DLGAP1: variants seen among roughly 807,000 people sequenced by gnomAD.
The protein encoded by DLGAP1 is DLG associated protein 1.
DLGAP1 carries 11 observed loss-of-function variants against 90.8 expected under a neutral mutation model. That is an observed-to-expected ratio of 0.12 (90% CI 0.08 to 0.20). The LOEUF (loss-of-function observed/expected upper bound fraction) is 0.20. Among genes scored for constraint, DLGAP1 ranks in the 10% least tolerant of loss-of-function variants. The pLI is 1.00. For missense variants in DLGAP1, 1,050 were observed against 1,333.8 expected (o/e 0.79, Z 3.31); for synonymous variants, 558 against 540.7 (o/e 1.03, Z -0.44).
intron 1 of DLGAP1, among the ~76,000 whole-genome samples, chr18:4,441,683 C>A (rs912417004): frequency 6.6e-6 from 1 of 152,182 alleles, no homozygotes; most frequent in Non-Finnish European, 1.5e-5. Flanking sequence ...AGAGAAGTGA[C>A]ACTTCAAGAA....
chr18:4,263,393 C>T (rs1490631000), intron 1 of DLGAP1, among the ~76,000 whole-genome samples: 11 of 152,136 alleles, frequency 7.2e-5, no homozygotes. Context: ...TTAAAAAATT[C>T]TTCCATTCAT....
At chr18:4,061,125 G>C (rs551452837) in intron 2 of DLGAP1, among the ~76,000 whole-genome samples, 159 of 152,208 alleles carry the variant, frequency 1.0e-3, no homozygotes, top group African/African-American at 3.8e-3. Context: ...AATTAGAATT[G>C]CCTACTTACC....
chr18:3,557,076 T>C (rs1351312804), intron 9 of DLGAP1, among the ~76,000 whole-genome samples: 1 of 152,230 alleles, frequency 6.6e-6, no homozygotes, highest in Non-Finnish European at 1.5e-5. Flanking sequence ...TTATTGTGTT[T>C]ATTTTGGATT....
intron 2 of DLGAP1, among the ~76,000 whole-genome samples, chr18:4,109,473 T>C (rs1250861895): frequency 6.6e-6 from 1 of 152,198 alleles, no homozygotes; most frequent in Non-Finnish European, 1.5e-5. Flanking sequence ...ATTCCATGGT[T>C]ACTGTAGTGT....
At chr18:4,086,319 TAAC>T (rs2075680254) in intron 2 of DLGAP1, among the ~76,000 whole-genome samples, 2 of 152,148 alleles carry the variant, frequency 1.3e-5, no homozygotes, top group South Asian at 4.1e-4. Flanking sequence ...AAAGACCTAA[TAAC>T]AAAGTATGAA....
intron 4 of DLGAP1, among the ~76,000 whole-genome samples, chr18:3,824,817 C>T (rs965203359): frequency 6.6e-6 from 1 of 152,210 alleles, no homozygotes; most frequent in Non-Finnish European, 1.5e-5. Context: ...AAGCATACGG[C>T]ATTCAAACGG....
At chr18:4,436,626 A>G (rs1428602439) in intron 1 of DLGAP1, among the ~76,000 whole-genome samples, 4 of 150,738 alleles carry the variant, frequency 2.7e-5, no homozygotes, top group Non-Finnish European at 5.9e-5. Context: ...CCTGAGATCT[A>G]CACTTTTTTA....
chr18:3,910,136 T>A (rs1279172031), intron 3 of DLGAP1, among the ~76,000 whole-genome samples: 3 of 150,484 alleles, frequency 2.0e-5, no homozygotes, highest in Non-Finnish European at 4.4e-5. Context: ...GGCTATCTAG[T>A]ATCCCTGGCT....
intron 3 of DLGAP1, among the ~76,000 whole-genome samples, chr18:3,929,739 G>A (rs1164774410): frequency 6.6e-6 from 1 of 152,178 alleles, no homozygotes; most frequent in African/African-American, 2.4e-5. Flanking sequence ...TCTCCCAGCT[G>A]AACTTTAAAT....
chr18:3,851,713 T>C (rs947007776), intron 4 of DLGAP1, among the ~76,000 whole-genome samples: 9 of 152,250 alleles, frequency 5.9e-5, no homozygotes, highest in African/African-American at 2.2e-4. Context: ...CAGTCAGGAA[T>C]TTCTTGTAAA....
intron 2 of DLGAP1, among the ~76,000 whole-genome samples, chr18:4,040,405 GT>G (rs2074956727): frequency 6.6e-6 from 1 of 152,146 alleles, no homozygotes. Context: ...ATAAATAGAA[GT>G]TTACTTAAAT....
intron 3 of DLGAP1, among the ~76,000 whole-genome samples, chr18:3,935,057 T>C (rs1439210899): frequency 1.3e-5 from 2 of 152,238 alleles, no homozygotes; most frequent in East Asian, 3.8e-4. Context: ...GTTTCTGTAA[T>C]GATGGTAGAA....
At chr18:3,741,138 T>TCACCAC (rs2062962238) in intron 6 of DLGAP1, among the ~76,000 whole-genome samples, 1 of 33,596 alleles carries the variant, frequency 3.0e-5, no homozygotes, top group Non-Finnish European at 5.5e-5. Flanking sequence ...CACCACCACA[T>TCACCAC]CACCATCACC....
At chr18:3,968,357 A>C (rs768757527) in intron 3 of DLGAP1, among the ~76,000 whole-genome samples, 7 of 152,136 alleles carry the variant, frequency 4.6e-5, no homozygotes, top group African/African-American at 7.2e-5. Context: ...TATGCAGTAA[A>C]ATTTCTAGCA....
intron 2 of DLGAP1, among the ~76,000 whole-genome samples, chr18:4,054,848 G>A (rs1282998489): frequency 1.3e-5 from 2 of 152,130 alleles, no homozygotes; most frequent in Non-Finnish European, 2.9e-5. Context: ...TTGAGCACTG[G>A]CTTTAGAAAA....
At chr18:3,983,850 A>T (rs1027343701) in intron 3 of DLGAP1, 4 of 152,204 alleles carry the variant, frequency 2.6e-5, no homozygotes, top group Non-Finnish European at 5.9e-5. Flanking sequence ...GGACCATTGC[A>T]GCTAGGCAAG....
intron 1 of DLGAP1, among the ~76,000 whole-genome samples, chr18:4,360,406 G>A (rs2081606748): frequency 6.6e-6 from 1 of 152,232 alleles, no homozygotes; most frequent in Non-Finnish European, 1.5e-5. Flanking sequence ...TAAGTAGGAT[G>A]TGAGAGGAAA....
At chr18:3,610,960 T>C (rs2057586389) in intron 7 of DLGAP1, among the ~76,000 whole-genome samples, 2 of 151,418 alleles carry the variant, frequency 1.3e-5, no homozygotes, top group East Asian at 1.9e-4. Context: ...CTCATGCACA[T>C]GTGTGCACGT....
chr18:4,056,006 A>C (rs188150287), intron 2 of DLGAP1, among the ~76,000 whole-genome samples: 1 of 152,174 alleles, frequency 6.6e-6, no homozygotes, highest in African/African-American at 2.4e-5. Context: ...AAGGATGTAT[A>C]TATGCGGGGA....
Sources: allele counts gnomAD v4.1 joint callset (sites outside exome capture counted in the v4.1 genomes callset), GRCh38; gene constraint gnomAD v4.1.1; transcripts MANE v1.5; gene names NCBI Gene and HGNC (gene_info 2026-07-23, HGNC 2026-07-21).